MCM2: variants seen among roughly 807,000 people sequenced by gnomAD.
MCM2 encodes the protein DNA replication licensing factor MCM2.
In MCM2, 49 loss-of-function variants were observed where a neutral mutation model predicts 86.4. The ratio of observed to expected loss-of-function variants is 0.57; its 90% confidence interval spans 0.45 to 0.72. The LOEUF (loss-of-function observed/expected upper bound fraction) is 0.72, where lower values mean the gene tolerates loss of function less well. Ranked by LOEUF, MCM2 falls within the 30% of genes least tolerant of loss-of-function variation. The pLI, the probability that MCM2 is intolerant of heterozygous loss-of-function variation, is 0.00. For synonymous variants in MCM2, 475 were observed against 484.6 expected (o/e 0.98, Z 0.26); for missense variants, 1,038 against 1,259.9 (o/e 0.82, Z 2.67).
At chr3:127,619,593 C>T (rs923661200) in intron 13 of MCM2, among the ~76,000 whole-genome samples, 4 of 152,092 alleles carry the variant, frequency 2.6e-5, no homozygotes, top group South Asian at 4.1e-4. Flanking sequence ...GCAGGAGAAT[C>T]GCTTGAACCC....
At chr3:127,609,483 T>G (rs1234689559) in intron 8 of MCM2, among the ~76,000 whole-genome samples, 1 of 152,132 alleles carries the variant, frequency 6.6e-6, no homozygotes, top group Non-Finnish European at 1.5e-5. Context: ...TTTTTTGTTT[T>G]TTTTTGTGAT....
intron 6 of MCM2, among the ~76,000 whole-genome samples, chr3:127,608,089 GAC>G (rs1289597383): frequency 6.6e-6 from 1 of 152,180 alleles, no homozygotes; most frequent in Non-Finnish European, 1.5e-5. Flanking sequence ...ACACAGCTTA[GAC>G]ACAGAACCCA....
chr3:127,598,843 A>C (rs1299839467), intron 1 of MCM2: 15 of 378,932 alleles, frequency 4.0e-5, no homozygotes, highest in Non-Finnish European at 6.1e-5. Context: ...CACTACACTT[A>C]CTTTTGTATT....
chr3:127,601,243 A>G (rs2074304721), intron 2 of MCM2, among the ~76,000 whole-genome samples: 1 of 152,172 alleles, frequency 6.6e-6, no homozygotes, highest in Non-Finnish European at 1.5e-5. Flanking sequence ...TGGCTGAATC[A>G]TATTTCTTTG....
Position 127,615,897 on chromosome 3 carries a change from T to G in MCM2, c.1464T>G (p.His488Gln), listed in dbSNP as rs1439936552. Residue 488 changes from histidine (H) to glutamine (Q), a missense_variant, in exon 9 of 16, where the codon CAT (histidine) becomes CAG (glutamine). By Grantham distance (24) the His-to-Gln change is conservative (BLOSUM62 0). Around this residue, in one of 4 missense-constraint regions of MCM2, gnomAD observed 399 missense variants for 507.2 expected, o/e 0.79. Transcript: ENST00000265056. The part of the protein sequence containing the change: ...FASIAPSIYG[H>Q]EDIKRGLALA... ...GCATTGCTCCTTCCATCTATGGTCA[T>G]GAAGACATCAAGAGAGGCCTGGCTC... is the stretch of plus-strand genomic sequence containing the variant. 1 of 1,614,190 alleles carries G rather than the reference T, an allele frequency of 6.2e-7. No homozygotes were observed. The highest frequency in any genetic ancestry group is 8.5e-7 in the Non-Finnish European group (1 of 1,180,028).
chr3:127,617,991 G>A lies in MCM2; in HGVS notation c.1923G>A (p.Leu641=). ...CAGGAGGGCGCTACGACCCCTCGCTGACTTTCTCTGAGAACGTGGACCTCA... is the reference window on the plus strand; with the variant it reads ...CAGGAGGGCGCTACGACCCCTCGCTAACTTTCTCTGAGAACGTGGACCTCA... ...NPIGGRYDPS[L]TFSENVDLTE... Residue 641 remains leucine, a synonymous_variant, in exon 12 of 16, where the codon CTG becomes CTA. Coordinates refer to ENST00000265056, the MANE Select transcript of MCM2 (RefSeq NM_004526.4). The surrounding 1 kb of genome is among the most constrained non-coding windows in gnomAD (Gnocchi z 4.1). The A allele has an allele frequency of 6.2e-7, 1 of 1,614,020 alleles. No individual in the cohort carries two copies. Among genetic ancestry groups the A allele is most frequent in the South Asian group, 1.1e-5 (1 of 91,046 alleles).
In MCM2 at chr3:127,617,980, G is replaced by A. The variant is rs760989802; in HGVS notation, c.1912G>A (p.Asp638Asn). The A allele has an allele frequency of 6.2e-6, 10 of 1,613,650 alleles. No individual in the cohort carries two copies. Among genetic ancestry groups the A allele is most frequent in the East Asian group, 2.2e-5 (1 of 44,862 alleles). The change falls in exon 12 of 16, where the codon GAC becomes AAC. Residue 638 changes from aspartate (D) to asparagine (N), a missense_variant. Physicochemically the swap from Asp to Asn is conservative, Grantham distance 23. Transcript: ENST00000265056. This position sits in a 1 kb window ranked among gnomAD's most constrained non-coding sequence, Gnocchi z 4.1. ...AAANPIGGRY[D>N]PSLTFSENVD... ...CCCCTGTGTTTCAGGAGGGCGCTACGACCCCTCGCTGACTTTCTCTGAGAA... is the reference window on the plus strand; with the variant it reads ...CCCCTGTGTTTCAGGAGGGCGCTACAACCCCTCGCTGACTTTCTCTGAGAA...
intron 13 of MCM2, 116 bp downstream of exon 13, chr3:127,619,394 A>G: frequency 1.8e-5 from 24 of 1,336,262 alleles, no homozygotes; most frequent in Non-Finnish European, 2.4e-5. Context: ...CAGAGCAGGG[A>G]GGCATTAAAA....
chr3:127,602,603 A>G (rs1457838837), intron 2 of MCM2, among the ~76,000 whole-genome samples: 1 of 152,200 alleles, frequency 6.6e-6, no homozygotes, highest in Admixed American at 6.5e-5. Flanking sequence ...CTCCTCAGGG[A>G]AGAGAGCACT....
At position 127,608,925 on chromosome 3, in the gene MCM2, G is replaced by T. The variant is rs199539311; in HGVS notation, c.1330G>T (p.Val444Leu). ...VFATVILANHVAKKDNKVAVG... is the reference protein window; with the variant it reads ...VFATVILANHLAKKDNKVAVG... Reference sequence around the variant, plus strand: ...TGCCACTGTCATCCTAGCCAACCACGTGGCCAAGAAGGACAACAAGGTTGC... The same window carrying T: ...TGCCACTGTCATCCTAGCCAACCACTTGGCCAAGAAGGACAACAAGGTTGC... Residue 444 changes from valine (V) to leucine (L), a missense_variant, in exon 8 of 16, where the codon GTG becomes TTG. Transcript: ENST00000265056. 21 of 1,613,974 alleles carry T rather than the reference G, an allele frequency of 1.3e-5. 1 individual carries two copies. In the South Asian group the frequency reaches 2.0e-4, roughly 15 times the overall value.
Position 127,606,270 on chromosome 3 carries a change from C to G in MCM2, c.826C>G (p.Arg276Gly). 1.2e-6 allele frequency: 2 copies of G among 1,614,232 alleles called. No homozygotes were observed. Among genetic ancestry groups the G allele is most frequent in the Non-Finnish European group, 1.7e-6 (2 of 1,180,046 alleles). ...VVLAMYPKYD[R>G]ITNHIHVRIS... ...ACTGGCCATGTACCCCAAGTACGAC[C>G]GCATCACCAACCACATCCATGTCCG... is the stretch of plus-strand genomic sequence containing the variant. The change falls in exon 5 of 16, where the codon CGC (arginine) becomes GGC (glycine). Residue 276 changes from arginine (R) to glycine (G), a missense_variant. Arg to Gly is a moderately radical substitution (Grantham distance 125). This residue lies in a region of MCM2 where 399 missense variants were observed against 507.2 expected (regional missense o/e 0.79). Transcript: ENST00000265056. This position sits in a 1 kb window ranked among gnomAD's most constrained non-coding sequence, Gnocchi z 4.2.
chr3:127,605,236 A>T (rs2074338118), intron 4 of MCM2, 80 bp downstream of exon 4: 1 of 1,549,952 alleles, frequency 6.5e-7, no homozygotes, highest in East Asian at 2.3e-5. Context: ...GAGCCGAGTG[A>T]ACACGTGAAG....
At chr3:127,616,794 T>G in intron 9 of MCM2, 74 bp from the exon 10 acceptor site, 1 of 1,498,078 alleles carries the variant, frequency 6.7e-7, no homozygotes, top group Non-Finnish European at 9.2e-7. Context: ...GAGGAATTGG[T>G]GGGGGATGCA....
chr3:127,617,297 A>G lies in MCM2; in HGVS notation c.1792A>G (p.Thr598Ala), dbSNP rs764899546. ...EFDKMNDQDR[T>A]SIHEAMEQQS... ...CTTGCAGATGAATGACCAGGACAGAACCAGCATCCATGAGGCCATGGAGCA... is the reference window on the plus strand; with the variant it reads ...CTTGCAGATGAATGACCAGGACAGAGCCAGCATCCATGAGGCCATGGAGCA... The change falls in exon 11 of 16, where the codon ACC becomes GCC. Residue 598 changes from threonine to alanine, a missense_variant. Transcript: ENST00000265056. The surrounding 1 kb of genome is among the most constrained non-coding windows in gnomAD (Gnocchi z 4.1). 6.2e-7 allele frequency: 1 copy of G among 1,614,052 alleles called. No individual in the cohort carries two copies. The highest frequency in any genetic ancestry group is 8.5e-7 in the Non-Finnish European group (1 of 1,179,996).
intron 9 of MCM2, 70 bp downstream of exon 9, chr3:127,616,025 G>C: frequency 1.6e-6 from 2 of 1,255,686 alleles, no homozygotes; most frequent in Non-Finnish European, 2.3e-6. Flanking sequence ...TTCAAAGAAG[G>C]ACACAGTGTT....
intron 15 of MCM2, 129 bp downstream of exon 15, chr3:127,621,357 T>G (rs897492485): frequency 1.8e-6 from 2 of 1,113,150 alleles, no homozygotes; most frequent in African/African-American, 1.6e-5. Context: ...TATTGAATGC[T>G]TACAGTCTGT....
chr3:127,600,312 CTTAA>C (rs1278064487), intron 2 of MCM2, among the ~76,000 whole-genome samples: 1 of 152,164 alleles, frequency 6.6e-6, no homozygotes, highest in Non-Finnish European at 1.5e-5. Flanking sequence ...GTTAGCAAGA[CTTAA>C]TGCTAGGAGA....
Position 127,620,813 on chromosome 3 carries a change from C to T in MCM2, c.2381C>T (p.Ala794Val), listed in dbSNP as rs375684929. 5 of 1,613,946 alleles carry T rather than the reference C, an allele frequency of 3.1e-6. No homozygotes were observed. The Middle Eastern group carries it at 6.6e-4, about 212-fold the overall frequency. Reference sequence around the variant, plus strand: ...GTGATCGAAGACGACGTCAACATGGCCATCCGCGTGATGCTGGAGAGCTTC... The same window carrying T: ...GTGATCGAAGACGACGTCAACATGGTCATCCGCGTGATGCTGGAGAGCTTC... ...DYVIEDDVNM[A>V]IRVMLESFID... Residue 794 changes from alanine to valine, a missense_variant, in exon 14 of 16, where the codon GCC becomes GTC. Coordinates refer to ENST00000265056, the MANE Select transcript of MCM2 (RefSeq NM_004526.4).
In MCM2 at chr3:127,610,123, T is replaced by A. The variant is rs17496978; in HGVS notation, c.1428+1100T>A. 3.6e-3 allele frequency among the ~76,000 whole-genome samples: 545 copies of A among 152,274 alleles called. 4 individuals carry two copies. Among genetic ancestry groups the A allele is most frequent in the African/African-American group, 0.012 (516 of 41,556 alleles). ...CCTCCCAAAGTGCTGGGATTATAGG[T>A]GTGAGGCACCACGCCCGGCCTTCAA... On this transcript the variant is annotated intron_variant, in intron 8 of 15. Transcript: ENST00000265056.
Sources: gnomAD v4.1 joint callset for allele counts (sites outside exome capture counted in the v4.1 genomes callset) on GRCh38, gnomAD v4.1.1 for gene constraint, gnomAD v4.1.1 regional missense constraint, Gnocchi (gnomAD v3.1) non-coding constraint, MANE v1.5 for transcripts, NCBI Gene and HGNC (gene_info 2026-07-23, HGNC 2026-07-21) for gene names.